Variants in CNBD1 observed in about 807,000 individuals in gnomAD.
The protein encoded by CNBD1 is cyclic nucleotide-binding domain-containing protein 1.
Under a neutral mutation model 54.4 loss-of-function variants are expected in CNBD1, and 71 were observed. The observed-to-expected ratio is 1.30, with a 90% confidence interval of 1.08 to 1.59. The LOEUF (loss-of-function observed/expected upper bound fraction) is 1.59, where lower values mean the gene tolerates loss of function less well. Among genes scored for constraint, CNBD1 ranks in the 40% most tolerant of loss-of-function variants. The pLI is 0.00. For missense variants in CNBD1, 659 were observed against 518.0 expected (o/e 1.27, Z -2.64); for synonymous variants, 182 against 170.7 (o/e 1.07, Z -0.51).
intron 4 of CNBD1, among the ~76,000 whole-genome samples, chr8:86,967,689 G>A (rs111855762): frequency 0.013 from 1,924 of 152,012 alleles, 29 homozygotes; most frequent in African/African-American, 0.037. Flanking sequence ...CTTGCATGTT[G>A]CCTACTCTTT....
At chr8:87,331,548 A>G (rs970845838) in intron 8 of CNBD1, among the ~76,000 whole-genome samples, 2 of 152,188 alleles carry the variant, frequency 1.3e-5, no homozygotes, top group Non-Finnish European at 2.9e-5. Flanking sequence ...TTTATAATAG[A>G]ATGATTTCTG....
At chr8:87,230,811 T>C (rs944654235) in intron 5 of CNBD1, among the ~76,000 whole-genome samples, 21 of 152,200 alleles carry the variant, frequency 1.4e-4, no homozygotes, top group African/African-American at 2.4e-5. Flanking sequence ...TAAGGAGTCA[T>C]TTATTTAGGA....
chr8:87,397,612 T>C (rs1367516184), intron 2 of CNBD1, among the ~76,000 whole-genome samples: 1 of 151,964 alleles, frequency 6.6e-6, no homozygotes, highest in Non-Finnish European at 1.5e-5. Context: ...TCAGAATTCA[T>C]GTAGATTATC....
At chr8:87,086,459 G>T (rs536707636) in intron 4 of CNBD1, among the ~76,000 whole-genome samples, 1 of 152,252 alleles carries the variant, frequency 6.6e-6, no homozygotes, top group South Asian at 2.1e-4. Flanking sequence ...TACTTGCTAA[G>T]CCAAATGCAA....
chr8:87,376,804 A>G (rs1200129504), intron 10 of CNBD1, among the ~76,000 whole-genome samples: 1 of 151,912 alleles, frequency 6.6e-6, no homozygotes, highest in East Asian at 1.9e-4. Flanking sequence ...AGAAATTTGT[A>G]AGTATTGGAG....
Position 87,351,672 on chromosome 8 carries a change from C to T in CNBD1, c.1043-13C>T. 1 of 1,480,130 alleles carries T rather than the reference C, an allele frequency of 6.8e-7. No homozygotes were observed. The highest frequency in any genetic ancestry group is 8.9e-7 in the Non-Finnish European group (1 of 1,118,504). 91.7% of individuals were successfully genotyped at this position (1,480,130 alleles called of 1,614,324 possible). Reference sequence around the variant, plus strand: ...CAAGAATGTGTGAAATGAACTATCTCTCTTCTTTTCAGTGATAGTGGAAAG... The same window carrying T: ...CAAGAATGTGTGAAATGAACTATCTTTCTTCTTTTCAGTGATAGTGGAAAG... On this transcript the variant is annotated splice_polypyrimidine_tract_variant and intron_variant, in intron 8 of 10. Transcript: ENST00000518476.
At chr8:87,179,350 G>A (rs751021962) in intron 4 of CNBD1, among the ~76,000 whole-genome samples, 36 of 152,224 alleles carry the variant, frequency 2.4e-4, no homozygotes, top group African/African-American at 8.2e-4. Context: ...TTAGATATAA[G>A]TACCATTTAA....
At chr8:87,403,401 T>A (rs1294014991) in intron 2 of CNBD1, among the ~76,000 whole-genome samples, 3 of 151,720 alleles carry the variant, frequency 2.0e-5, no homozygotes, top group African/African-American at 4.8e-5. Context: ...GAGAGAAGAG[T>A]TACCTCCACT....
chr8:87,353,514 T>A, intron 9 of CNBD1, 122 bp from the exon 10 acceptor site: 1 of 617,522 alleles, frequency 1.6e-6, no homozygotes, highest in Non-Finnish European at 2.7e-6. Context: ...TAAATACAAT[T>A]GCTAATTTAT....
At chr8:87,406,481 T>TACAC (rs1807655855) in intron 2 of CNBD1, among the ~76,000 whole-genome samples, 31 of 81,502 alleles carry the variant, frequency 3.8e-4, no homozygotes, top group African/African-American at 3.4e-3. Context: ...CACACACACT[T>TACAC]TTTTTTTTTT....
intron 4 of CNBD1, among the ~76,000 whole-genome samples, chr8:87,189,380 AC>A (rs1364108399): frequency 6.6e-6 from 1 of 151,732 alleles, no homozygotes; most frequent in African/African-American, 2.4e-5. Flanking sequence ...TTATGACCCA[AC>A]CCCCCTTTAA....
chr8:87,025,815 G>A (rs939316684), intron 4 of CNBD1, among the ~76,000 whole-genome samples: 1 of 152,128 alleles, frequency 6.6e-6, no homozygotes. Flanking sequence ...TTTAAGAACT[G>A]TAATACTCAC....
chr8:87,086,599 G>A lies in CNBD1; in HGVS notation c.432-119394G>A, dbSNP rs533472199. Among the ~76,000 whole-genome samples the A allele has an allele frequency of 3.3e-5, 5 of 152,174 alleles. No homozygotes were observed. In the South Asian group the frequency reaches 8.3e-4, roughly 25 times the overall value. On this transcript the variant is annotated intron_variant, in intron 4 of 10. Transcript: ENST00000518476. The stretch of plus-strand genomic sequence containing the variant: ...GATAACTGTGTTAAGATTTTCAGAT[G>A]TTTTCCCTAGAGCAATGTGAATATT...
chr8:86,890,036 T>C (rs935968796), intron 2 of CNBD1, among the ~76,000 whole-genome samples: 4 of 152,150 alleles, frequency 2.6e-5, no homozygotes, highest in African/African-American at 4.8e-5. Flanking sequence ...TGTATATGTA[T>C]ACAATGTGGA....
chr8:86,922,159 A>G (rs1485784159), intron 3 of CNBD1, among the ~76,000 whole-genome samples: 1 of 152,180 alleles, frequency 6.6e-6, no homozygotes, highest in Non-Finnish European at 1.5e-5. Context: ...GATTATCTAA[A>G]TGCTGTCAAA....
chr8:87,070,677 A>G (rs1810742465), intron 4 of CNBD1, among the ~76,000 whole-genome samples: 1 of 152,034 alleles, frequency 6.6e-6, no homozygotes, highest in Non-Finnish European at 1.5e-5. Context: ...AGTTTAGGCT[A>G]TAAGGAGCAG....
rs182467442 is a variant in CNBD1, at chr8:86,950,633, G to T, written c.431+10879G>T. Among the ~76,000 whole-genome samples, 421 of 152,114 alleles carry T rather than the reference G, an allele frequency of 2.8e-3. 3 individuals are homozygous for T. The highest frequency in any genetic ancestry group is 9.9e-3 in the African/African-American group (409 of 41,498). ...TTTTAATGTGTCTTTGTCTGGTTTT[G>T]GTATCAGAGTAATACTGGCTTTGAG... On this transcript the variant is annotated intron_variant, in intron 4 of 10. Transcript: ENST00000518476.
At chr8:86,907,578 G>A (rs1188870108) in intron 3 of CNBD1, among the ~76,000 whole-genome samples, 1 of 151,688 alleles carries the variant, frequency 6.6e-6, no homozygotes, top group Non-Finnish European at 1.5e-5. Flanking sequence ...TGAGGCAGGG[G>A]AATCACTTGA....
At chr8:87,265,168 A>G (rs1405547555) in intron 6 of CNBD1, among the ~76,000 whole-genome samples, 2 of 151,996 alleles carry the variant, frequency 1.3e-5, no homozygotes, top group Admixed American at 1.3e-4. Context: ...GTCTTGAATT[A>G]ATTTTTGTAT....
Sources: gnomAD v4.1 joint callset for allele counts (sites outside exome capture counted in the v4.1 genomes callset) on GRCh38, gnomAD v4.1.1 for gene constraint, MANE v1.5 for transcripts, NCBI Gene and HGNC (gene_info 2026-07-23, HGNC 2026-07-21) for gene names.